Variants in EDAR observed in about 807,000 individuals in gnomAD.
EDAR encodes tumor necrosis factor receptor superfamily member EDAR.
A neutral mutation model predicts 51.3 loss-of-function variants in EDAR; 38 were observed. The ratio of observed to expected loss-of-function variants is 0.74; its 90% CI spans 0.57 to 0.97. The LOEUF (loss-of-function observed/expected upper bound fraction) is 0.97. Ranked by LOEUF, EDAR falls within the 50% of genes least tolerant of loss-of-function variation. The pLI is 0.00. For missense variants in EDAR, 528 were observed against 595.0 expected, an observed-to-expected ratio of 0.89 and a Z score of 1.17; for synonymous variants, 227 against 242.1, an observed-to-expected ratio of 0.94 and a Z score of 0.58.
At position 108,912,654 on chromosome 2, in the gene EDAR, T is replaced by G. The variant is rs779483164; in HGVS notation, c.529+24A>C. 1.9e-6 allele frequency: 3 copies of G among 1,562,462 alleles called. No homozygotes were observed. In the East Asian group the frequency reaches 7.1e-5, roughly 37 times the overall value. On this transcript the variant is annotated intron_variant, in intron 6 of 11. Transcript: ENST00000258443. ...CCGAGTACCACCTAACTCCAGGTGA[T>G]CGATACCTGAGCACCCTCCTCACCT...
chr2:108,930,322 T>C (rs1432666037), intron 2 of EDAR, 80 bp from the exon 3 acceptor site: 3 of 1,591,464 alleles, frequency 1.9e-6, no homozygotes. Flanking sequence ...AAGGTTGACA[T>C]AGGAAGGGGG....
intron 1 of EDAR, among the ~76,000 whole-genome samples, chr2:108,936,058 A>G (rs1357477455): frequency 2.6e-5 from 4 of 152,196 alleles, no homozygotes; most frequent in Non-Finnish European, 2.9e-5. Flanking sequence ...GGAGAAGCAG[A>G]GTCACTGCCT....
chr2:108,908,180 G>A lies in EDAR; in HGVS notation c.804-161C>T, dbSNP rs547513416. Among the ~76,000 whole-genome samples the A allele has an allele frequency of 2.0e-5, 3 of 152,182 alleles. No homozygotes were observed. The South Asian group carries it at 6.2e-4, about 32-fold the overall frequency. On this transcript the variant is annotated intron_variant, in intron 9 of 11. Coordinates refer to ENST00000258443, the MANE Select transcript of EDAR (RefSeq NM_022336.4). ...GGCACCTTGTGGGCACGGGACCAGG[G>A]GACATGAGACGAGACATACACCGGT... is the stretch of plus-strand genomic sequence containing the variant.
Position 108,912,863 on chromosome 2 carries a change from G to C in EDAR, c.443-99C>G. On this transcript the variant is annotated intron_variant, in intron 5 of 11. Transcript: ENST00000258443. ...GATCTGGATTCATGATCATGAATGG[G>C]CCTGAGGCAGTGATGGCTGAGGGGA... 3.0e-6 allele frequency: 3 copies of C among 995,818 alleles called. No individual in the cohort carries two copies. In the South Asian group the frequency reaches 4.1e-5, roughly 14 times the overall value. 61.7% of individuals were successfully genotyped at this position (995,818 alleles called of 1,614,324 possible). A position where few individuals can be genotyped will look rare whatever the true frequency, so the allele number is the denominator to read the frequency against.
At position 108,981,783 on chromosome 2, in the gene EDAR, G is replaced by A. The variant is rs72836585; in HGVS notation, c.-19+7177C>T. ...CGAAGTCCATGAACTTACCAGGAGGGAGGTCTCAGGCAAGCCACCTCACCT... is the reference window on the plus strand; with the variant it reads ...CGAAGTCCATGAACTTACCAGGAGGAAGGTCTCAGGCAAGCCACCTCACCT... On this transcript the variant is annotated intron_variant, in intron 1 of 11. Transcript: ENST00000258443. Among the ~76,000 whole-genome samples, 1,232 of 152,314 alleles carry A rather than the reference G, an allele frequency of 8.1e-3. 5 individuals carry two copies. The highest frequency in any genetic ancestry group is 0.013 in the Non-Finnish European group (878 of 68,028).
At chr2:108,914,551 A>G (rs2105410551) in intron 5 of EDAR, among the ~76,000 whole-genome samples, 1 of 152,244 alleles carries the variant, frequency 6.6e-6, no homozygotes, top group East Asian at 1.9e-4. Context: ...TCAAATCACT[A>G]AGACGCAACC....
chr2:108,930,126 G>A lies in EDAR; in HGVS notation c.168C>T (p.Pro56=), dbSNP rs746313124. Reference sequence around the variant, plus strand: ...AGGAGGGCTGGGTCCTTACCAGGTAGGGCTCCTCTCCCGGCCCACACGGGG... The same window carrying A: ...AGGAGGGCTGGGTCCTTACCAGGTAAGGCTCCTCTCCCGGCCCACACGGGG... The part of the protein sequence containing the change: ...ECPPCGPGEE[P]YLSCGYGTKD... Residue 56 remains proline, a synonymous_variant, in exon 3 of 12, where the codon CCC becomes CCT. Coordinates refer to ENST00000258443, the MANE Select transcript of EDAR (RefSeq NM_022336.4). The A allele has an allele frequency of 2.5e-6, 4 of 1,613,552 alleles. No homozygotes were observed. The highest frequency in any genetic ancestry group is 3.4e-6 in the Non-Finnish European group (4 of 1,179,832).
intron 1 of EDAR, among the ~76,000 whole-genome samples, chr2:108,937,594 A>G (rs1697499369): frequency 6.7e-6 from 1 of 149,442 alleles, no homozygotes; most frequent in Non-Finnish European, 1.5e-5. Flanking sequence ...GTGTATTTGT[A>G]TATGAGTGTG....
intron 1 of EDAR, among the ~76,000 whole-genome samples, chr2:108,935,710 T>C (rs1697454304): frequency 6.6e-6 from 1 of 152,176 alleles, no homozygotes; most frequent in South Asian, 2.1e-4. Context: ...TAGAGTTCAT[T>C]CATTTATTCA....
chr2:108,953,876 A>G (rs1697870590), intron 1 of EDAR, among the ~76,000 whole-genome samples: 1 of 152,230 alleles, frequency 6.6e-6, no homozygotes, highest in South Asian at 2.1e-4. Flanking sequence ...GTTGAACCAG[A>G]CAGGTCAGAG....
intron 11 of EDAR, among the ~76,000 whole-genome samples, chr2:108,900,473 G>C (rs1213578860): frequency 6.6e-6 from 1 of 151,498 alleles, no homozygotes; most frequent in Non-Finnish European, 1.5e-5. Flanking sequence ...AGAACCACTT[G>C]AACCTGGGAG....
At chr2:108,954,393 A>G (rs995943052) in intron 1 of EDAR, among the ~76,000 whole-genome samples, 3 of 152,222 alleles carry the variant, frequency 2.0e-5, no homozygotes, top group African/African-American at 7.2e-5. Flanking sequence ...GACATTCTGC[A>G]GCCTACCTGC....
chr2:108,902,633 T>G (rs940055987), intron 11 of EDAR, among the ~76,000 whole-genome samples: 2 of 152,126 alleles, frequency 1.3e-5, no homozygotes, highest in African/African-American at 2.4e-5. Context: ...TGCAAAATCC[T>G]TAACAAAATA....
At chr2:108,901,408 A>G (rs987268900) in intron 11 of EDAR, among the ~76,000 whole-genome samples, 1 of 152,232 alleles carries the variant, frequency 6.6e-6, no homozygotes, top group Admixed American at 6.5e-5. Context: ...TCCCATTTCA[A>G]GCACTTAGAA....
At chr2:108,918,503 G>A (rs538140620) in intron 5 of EDAR, among the ~76,000 whole-genome samples, 41 of 152,314 alleles carry the variant, frequency 2.7e-4, no homozygotes, top group African/African-American at 8.7e-4. Context: ...AGCAAGGCTG[G>A]GGTGTTTGAT....
chr2:108,931,549 C>T (rs1697366295), intron 1 of EDAR, among the ~76,000 whole-genome samples: 1 of 152,214 alleles, frequency 6.6e-6, no homozygotes, highest in Admixed American at 6.5e-5. Flanking sequence ...AATAACCTAA[C>T]TTTACAGTTG....
intron 5 of EDAR, among the ~76,000 whole-genome samples, chr2:108,914,185 G>T (rs541065066): frequency 2.0e-5 from 3 of 150,600 alleles, no homozygotes; most frequent in South Asian, 2.1e-4. Context: ...GCTTGAACCC[G>T]GGAGGTGGAG....
intron 1 of EDAR, among the ~76,000 whole-genome samples, chr2:108,979,448 G>GTCTC (rs200484270): frequency 0.38 from 53,031 of 138,688 alleles, 13,195 homozygotes; most frequent in South Asian, 0.59. Flanking sequence ...CTCTCTCTCT[G>GTCTC]TCTCTGTCTC....
intron 4 of EDAR, among the ~76,000 whole-genome samples, chr2:108,927,787 C>T (rs1490806186): frequency 6.6e-6 from 1 of 152,116 alleles, no homozygotes; most frequent in Non-Finnish European, 1.5e-5. Flanking sequence ...CACACACAAC[C>T]TCTATCCTCC....
Sources: gnomAD v4.1 joint callset for allele counts (sites outside exome capture counted in the v4.1 genomes callset) on GRCh38, gnomAD v4.1.1 for gene constraint, MANE v1.5 for transcripts, NCBI Gene and HGNC (gene_info 2026-07-23, HGNC 2026-07-21) for gene names.